PARP12: variants seen among roughly 807,000 people sequenced by gnomAD.
The protein encoded by PARP12 is protein mono-ADP-ribosyltransferase PARP12.
In PARP12, 59 loss-of-function variants were observed where a neutral mutation model predicts 72.4. The observed-to-expected ratio is 0.81, with a 90% CI of 0.66 to 1.01. PARP12 has a LOEUF of 1.01. Ranked by LOEUF, PARP12 falls within the 50% of genes least tolerant of loss-of-function variation. PARP12 has a pLI of 0.00. For missense variants in PARP12, 851 were observed against 914.0 expected (o/e 0.93, Z 0.89); for synonymous variants, 403 against 371.4 (o/e 1.09, Z -0.98).
chr7:140,046,743 T>C (rs1442885691), intron 5 of PARP12, 141 bp downstream of exon 5: 1 of 858,506 alleles, frequency 1.2e-6, no homozygotes, highest in Non-Finnish European at 1.8e-6. Flanking sequence ...TGTGTGTGTG[T>C]GTGTGTGTGT....
chr7:140,027,126 C>A (rs562425121), intron 10 of PARP12, 150 bp downstream of exon 10: 1 of 1,097,326 alleles, frequency 9.1e-7, no homozygotes, highest in African/African-American at 1.6e-5. Flanking sequence ...CCTGGGGGAG[C>A]GGACGAAGGA....
intron 4 of PARP12, among the ~76,000 whole-genome samples, chr7:140,050,490 A>G (rs1313521078): frequency 6.6e-6 from 1 of 152,114 alleles, no homozygotes; most frequent in Non-Finnish European, 1.5e-5. Flanking sequence ...CCCCACCATC[A>G]CTAGAATGAG....
Position 140,062,579 on chromosome 7 carries a change from G to A in PARP12, c.269C>T (p.Ala90Val), listed in dbSNP as rs1420734066. ...GSKPGCVGLC[A>V]QLHLCRFMVY... ...CATGAACCTGCAGAGGTGGAGCTGC[G>A]CGCAGAGCCCCACGCAGCCCGGCTT... Residue 90 changes from alanine to valine, a missense_variant, in exon 1 of 12, where the codon GCG becomes GTG. Physicochemically the swap from Ala to Val is moderately conservative, Grantham distance 64. Around this residue, in one of 3 missense-constraint regions of PARP12, gnomAD observed 492 missense variants for 489.3 expected, o/e 1.01. Transcript: ENST00000263549. 1 of 1,546,580 alleles carries A rather than the reference G, an allele frequency of 6.5e-7. No homozygotes were observed. Among genetic ancestry groups the A allele is most frequent in the Non-Finnish European group, 8.7e-7 (1 of 1,151,146 alleles).
intron 5 of PARP12, among the ~76,000 whole-genome samples, chr7:140,046,454 G>T (rs544085842): frequency 3.3e-5 from 5 of 152,228 alleles, no homozygotes; most frequent in African/African-American, 1.2e-4. Flanking sequence ...CAGTTCAGCG[G>T]TATGGCTGTA....
At chr7:140,040,135 C>T (rs761653514) in intron 6 of PARP12, among the ~76,000 whole-genome samples, 3 of 152,194 alleles carry the variant, frequency 2.0e-5, no homozygotes, top group Non-Finnish European at 4.4e-5. Context: ...GTCACATCTG[C>T]TAAGTGTGTT....
intron 4 of PARP12, among the ~76,000 whole-genome samples, chr7:140,047,642 C>T (rs968867033): frequency 1.3e-5 from 2 of 151,434 alleles, no homozygotes; most frequent in Non-Finnish European, 2.9e-5. Context: ...TTTTTTGAGA[C>T]AGGGTCTCAC....
At position 140,024,433 on chromosome 7, in the gene PARP12, T is replaced by C; in HGVS notation, c.*127A>G. On this transcript the variant is annotated 3_prime_UTR_variant, in exon 12 of 12. Transcript: ENST00000263549. ...CATTATTAGCAAGAGATTAAGAACA[T>C]AACTTCATTGAGAGGTCAATGTTAA... 2 of 1,051,902 alleles carry C rather than the reference T, an allele frequency of 1.9e-6. No homozygotes were observed. Among genetic ancestry groups the C allele is most frequent in the South Asian group, 2.7e-5 (2 of 73,614 alleles). 65.2% of individuals were successfully genotyped at this position (1,051,902 alleles called of 1,614,324 possible).
At chr7:140,053,631 G>GTA (rs1817058285) in intron 4 of PARP12, among the ~76,000 whole-genome samples, 3 of 151,592 alleles carry the variant, frequency 2.0e-5, no homozygotes, top group South Asian at 2.1e-4. Context: ...ATATGTGTGT[G>GTA]TATATATATA....
intron 3 of PARP12, 108 bp from the exon 4 acceptor site, chr7:140,054,871 C>T (rs1162800357): frequency 4.4e-6 from 4 of 910,976 alleles, no homozygotes; most frequent in Non-Finnish European, 5.2e-6. Context: ...CGCAAGCTCA[C>T]AAAGCCCTAT....
chr7:140,028,524 T>C, intron 9 of PARP12, 89 bp downstream of exon 9: 1 of 1,154,744 alleles, frequency 8.7e-7, no homozygotes, highest in Non-Finnish European at 1.2e-6. Context: ...TACAGCTTCT[T>C]CAGTGTTGAG....
intron 5 of PARP12, 24 bp from the exon 6 acceptor site, chr7:140,041,863 A>C (rs760988811): frequency 1.3e-5 from 20 of 1,583,222 alleles, no homozygotes; most frequent in Non-Finnish European, 1.6e-5. Context: ...ACAGCAGCAG[A>C]CTGAAAATCC....
intron 4 of PARP12, among the ~76,000 whole-genome samples, chr7:140,047,209 T>C (rs1816766702): frequency 6.6e-6 from 1 of 152,234 alleles, no homozygotes; most frequent in African/African-American, 2.4e-5. Context: ...ATTGCTATGA[T>C]TTAAATGTCT....
rs1287630825 is a variant in PARP12, at chr7:140,024,667, G to A, written c.1999C>T (p.His667Tyr). ...ATGACATACTCTGGGTAGACCTGGT[G>A]TTTCTCAAAGATCACAAAGATGGAG... ...DPSIFVIFEKHQVYPEYVIQY... is the reference protein window; with the variant it reads ...DPSIFVIFEKYQVYPEYVIQY... Residue 667 changes from histidine to tyrosine, a missense_variant, in exon 12 of 12, where the codon CAC becomes TAC. His to Tyr is a moderately conservative substitution (Grantham distance 83). Coordinates refer to ENST00000263549, the MANE Select transcript of PARP12 (RefSeq NM_022750.4). 6.2e-6 allele frequency: 10 copies of A among 1,614,030 alleles called. No individual in the cohort carries two copies. The highest frequency in any genetic ancestry group is 4.5e-5 in the East Asian group (2 of 44,878).
chr7:140,056,777 G>A lies in PARP12; in HGVS notation c.760+79C>T, dbSNP rs951241934. The A allele has an allele frequency of 4.3e-6, 6 of 1,395,050 alleles. No individual in the cohort carries two copies. The African/African-American group carries it at 8.7e-5, about 20-fold the overall frequency. The allele number at this position is 1,395,050 out of a possible 1,614,324, so 86.4% of individuals were successfully genotyped here. ...CCCAAAGTCACACATTCCATGTAAT[G>A]GCTAGCTGGAATCCGGGAACCCCCA... On this transcript the variant is annotated intron_variant, in intron 3 of 11. Coordinates refer to ENST00000263549, the MANE Select transcript of PARP12 (RefSeq NM_022750.4).
intron 1 of PARP12, 42 bp downstream of exon 1, chr7:140,062,480 G>A (rs1189493939): frequency 6.7e-7 from 1 of 1,500,000 alleles, no homozygotes; most frequent in Non-Finnish European, 8.9e-7. Context: ...GTGAGGGCGC[G>A]CAGGACCTCC....
chr7:140,035,401 T>C (rs1472694991), intron 7 of PARP12, among the ~76,000 whole-genome samples: 1 of 152,232 alleles, frequency 6.6e-6, no homozygotes, highest in Non-Finnish European at 1.5e-5. Flanking sequence ...AAAAGTGAGC[T>C]AAGATACGTG....
At chr7:140,056,319 A>G (rs1048048704) in intron 3 of PARP12, among the ~76,000 whole-genome samples, 1 of 152,256 alleles carries the variant, frequency 6.6e-6, no homozygotes, top group Non-Finnish European at 1.5e-5. Context: ...GGCACTGTCT[A>G]GGTGCTGGAG....
At chr7:140,054,639 T>G in intron 4 of PARP12, 23 bp downstream of exon 4, 1 of 1,560,828 alleles carries the variant, frequency 6.4e-7, no homozygotes, top group South Asian at 1.1e-5. Flanking sequence ...ACAAGTGGAA[T>G]GAAGGAGCCT....
Position 140,053,908 on chromosome 7 carries a change from T to C in PARP12, c.862+754A>G, listed in dbSNP as rs1306778165. On this transcript the variant is annotated intron_variant, in intron 4 of 11. Coordinates refer to ENST00000263549, the MANE Select transcript of PARP12 (RefSeq NM_022750.4). Reference sequence around the variant, plus strand: ...AATATCACAACCACACGGGAAGTGTTTACCTTTGGGCAAAGACGATGGAGG... The same window carrying C: ...AATATCACAACCACACGGGAAGTGTCTACCTTTGGGCAAAGACGATGGAGG... Among the ~76,000 whole-genome samples the C allele has an allele frequency of 3.3e-5, 5 of 152,306 alleles. No individual in the cohort carries two copies. In the East Asian group the frequency reaches 9.6e-4, roughly 29 times the overall value.
Sources: allele counts gnomAD v4.1 joint callset (sites outside exome capture counted in the v4.1 genomes callset), GRCh38; gene constraint gnomAD v4.1.1; regional missense constraint gnomAD v4.1.1; transcripts MANE v1.5; gene names NCBI Gene and HGNC (gene_info 2026-07-23, HGNC 2026-07-21).